Variants in IFIT1 observed in about 807,000 individuals in gnomAD.
The protein encoded by IFIT1 is interferon induced protein with tetratricopeptide repeats 1, also known as antiviral innate immune response effector IFIT1.
Under a neutral mutation model 2.5 loss-of-function variants are expected in IFIT1, and 1 was observed. That is an observed-to-expected ratio of 0.40 (90% CI 0.14 to 1.92). The LOEUF (loss-of-function observed/expected upper bound fraction) is 1.92, where lower values mean the gene tolerates loss of function less well. IFIT1 is among the 40% of genes most tolerant of loss of function. The probability of loss-of-function intolerance (pLI) is 0.31; values close to 1 mark genes in which losing one functional copy is unlikely to be tolerated. For missense variants in IFIT1, 508 were observed against 557.8 expected (o/e 0.91, Z 0.90); for synonymous variants, 191 against 201.7 (o/e 0.95, Z 0.45).
rs747687704 is a variant in IFIT1, at chr10:89,402,663, A to G, written c.388A>G (p.Asn130Asp). 1.9e-6 allele frequency: 3 copies of G among 1,614,226 alleles called. No individual in the cohort carries two copies. In the Admixed American group the frequency reaches 5.0e-5, roughly 27 times the overall value. The change falls in exon 2 of 2, where the codon AAT (asparagine) becomes GAT (aspartate). Residue 130 changes from asparagine (N) to aspartate (D), a missense_variant. Transcript: ENST00000371804. ...KVENICKKLS[N>D]PFRYRMECPE... ...GGAGAACATTTGCAAGAAGCTTTCAAATCCCTTCCGCTATAGAATGGAGTG... is the reference window on the plus strand; with the variant it reads ...GGAGAACATTTGCAAGAAGCTTTCAGATCCCTTCCGCTATAGAATGGAGTG...
rs910289932 is a variant in IFIT1, at chr10:89,399,558, A to C, written c.6-2723A>C. ...TGAGTTAATTTTTGTATATGGCATA[A>C]AGTAAGGGTCCAACTTTACCCTTTT... On this transcript the variant is annotated intron_variant, in intron 1 of 1. Transcript: ENST00000371804. Among the ~76,000 whole-genome samples the C allele has an allele frequency of 3.3e-5, 5 of 152,150 alleles. No individual in the cohort carries two copies. The South Asian group carries it at 1.0e-3, about 32-fold the overall frequency.
chr10:89,404,012 TGAA>T lies in IFIT1; in HGVS notation c.*301_*303del. ...AATGTTTAATTCATTCATTTTATTG[TGAA>T]ATAAAAATAAAATCCTTAGCTCCTC... On this transcript the variant is annotated 3_prime_UTR_variant, in exon 2 of 2. Coordinates refer to ENST00000371804, the MANE Select transcript of IFIT1 (RefSeq NM_001548.5). The T allele has an allele frequency of 4.2e-6, 1 of 239,636 alleles. No individual in the cohort carries two copies. Among genetic ancestry groups the T allele is most frequent in the South Asian group, 1.4e-4 (1 of 7,362 alleles). The allele number at this position is 239,636 out of a possible 1,614,324, so 14.8% of individuals were successfully genotyped here. A position where few individuals can be genotyped will look rare whatever the true frequency, so the allele number is the denominator to read the frequency against.
At chr10:89,399,844 G>C (rs957695357) in intron 1 of IFIT1, among the ~76,000 whole-genome samples, 1 of 152,126 alleles carries the variant, frequency 6.6e-6, no homozygotes, top group African/African-American at 2.4e-5. Flanking sequence ...CAGAGCTGGT[G>C]TCCTTAGACA....
intron 1 of IFIT1, among the ~76,000 whole-genome samples, chr10:89,400,321 T>A (rs941348642): frequency 1.3e-5 from 2 of 152,224 alleles, no homozygotes; most frequent in Admixed American, 6.5e-5. Flanking sequence ...AAAATGTCAT[T>A]GGGATTTTTA....
Position 89,402,713 on chromosome 10 carries a change from A to G in IFIT1, c.438A>G (p.Gly146=), listed in dbSNP as rs540304169. The G allele has an allele frequency of 6.8e-6, 11 of 1,614,222 alleles. No individual in the cohort carries two copies. The Admixed American group carries it at 1.8e-4, about 27-fold the overall frequency. Residue 146 remains glycine, a synonymous_variant, in exon 2 of 2, where the codon GGA becomes GGG. Coordinates refer to ENST00000371804, the MANE Select transcript of IFIT1 (RefSeq NM_001548.5). ...GTCCAGAAATAGACTGTGAGGAAGG[A>G]TGGGCCTTGCTGAAGTGTGGAGGAA... is the stretch of plus-strand genomic sequence containing the variant. ...MECPEIDCEE[G]WALLKCGGKN...
At chr10:89,402,173 T>G (rs1485494559) in intron 1 of IFIT1, 108 bp from the exon 2 acceptor site, 2 of 695,268 alleles carry the variant, frequency 2.9e-6, no homozygotes, top group Admixed American at 2.8e-5. Flanking sequence ...GAAACCTAAG[T>G]AAGTTGATCC....
chr10:89,402,935 G>T lies in IFIT1; in HGVS notation c.660G>T (p.Lys220Asn). ...VRLNPDNGYI[K>N]VLLALKLQDE... ...TAAATCCAGACAATGGATATATTAA[G>T]GTTCTCCTTGCCCTGAAGCTTCAGG... The change falls in exon 2 of 2, where the codon AAG (lysine) becomes AAT (asparagine). Residue 220 changes from lysine (K) to asparagine (N), a missense_variant. Transcript: ENST00000371804. The T allele has an allele frequency of 6.2e-7, 1 of 1,614,148 alleles. No individual in the cohort carries two copies. Among genetic ancestry groups the T allele is most frequent in the South Asian group, 1.1e-5 (1 of 91,084 alleles).
In IFIT1 at chr10:89,402,426, AGTGTGGGAATACACAACCTACTAGCCTAT is replaced by A; in HGVS notation, c.155_183del (p.Val52GlufsTer8). The A allele has an allele frequency of 6.2e-7, 1 of 1,614,206 alleles. No individual in the cohort carries two copies. The highest frequency in any genetic ancestry group is 1.1e-5 in the South Asian group (1 of 91,086). ...GATTGAATTCCTAGACACCAAATAC[AGTGTGGGAATACACAACCTACTAGCCTAT>A]GTGAAACACCTGAAAGGCCAGAATG... On this transcript the variant is annotated frameshift_variant, in exon 2 of 2. Transcript: ENST00000371804. LOFTEE classifies it low-confidence loss of function (END_TRUNC).
chr10:89,397,034 C>T (rs1013914198), intron 1 of IFIT1, among the ~76,000 whole-genome samples: 4 of 152,040 alleles, frequency 2.6e-5, no homozygotes, highest in African/African-American at 4.8e-5. Flanking sequence ...AAAATAGGGT[C>T]GTGTTTTGGA....
chr10:89,402,299 T>C lies in IFIT1; in HGVS notation c.24T>C (p.His8=). 6.2e-7 allele frequency: 1 copy of C among 1,609,784 alleles called. No individual in the cohort carries two copies. Among genetic ancestry groups the C allele is most frequent in the East Asian group, 2.2e-5 (1 of 44,858 alleles). MSTNGDD[H]QVKDSLEQLR... is the part of the protein sequence containing the mutation. The stretch of plus-strand genomic sequence containing the variant: ...TTTACAGTACAAATGGTGATGATCA[T>C]CAGGTCAAGGATAGTCTGGAGCAAT... The change falls in exon 2 of 2, where the codon CAT becomes CAC. Residue 8 remains histidine (H), a synonymous_variant. Transcript: ENST00000371804.
chr10:89,393,172 T>C, intron 1 of IFIT1: 1 of 1,290,536 alleles, frequency 7.7e-7, no homozygotes, highest in Non-Finnish European at 1.0e-6. Context: ...GCAGCCTCTC[T>C]GATGTCTTGT....
chr10:89,394,546 T>C (rs1844305113), intron 1 of IFIT1, among the ~76,000 whole-genome samples: 1 of 147,848 alleles, frequency 6.8e-6, no homozygotes, highest in South Asian at 2.1e-4. Context: ...TTTTCCTGCT[T>C]TTATGTTTAT....
chr10:89,401,784 A>G (rs1256457366), intron 1 of IFIT1, among the ~76,000 whole-genome samples: 1 of 58,632 alleles, frequency 1.7e-5, no homozygotes, highest in African/African-American at 1.3e-4. Flanking sequence ...CAAGTAAAAA[A>G]AAAATGAAAA....
intron 1 of IFIT1, among the ~76,000 whole-genome samples, chr10:89,398,478 C>A (rs1311614068): frequency 6.6e-6 from 1 of 152,214 alleles, no homozygotes; most frequent in African/African-American, 2.4e-5. Context: ...GCTGCTCTTA[C>A]ATTGCATACC....
Position 89,403,390 on chromosome 10 carries a change from T to C in IFIT1, c.1115T>C (p.Val372Ala), listed in dbSNP as rs751622480. The stretch of plus-strand genomic sequence containing the variant: ...CAAAAATTGTTATGCATGAAACCAG[T>C]GGTAGAAGAAACAATGCAAGACATA... ...NFQKLLCMKPVVEETMQDIHF... is the reference protein window; with the variant it reads ...NFQKLLCMKPAVEETMQDIHF... Residue 372 changes from valine (V) to alanine (A), a missense_variant, in exon 2 of 2, where the codon GTG (valine) becomes GCG (alanine). Physicochemically the swap from Val to Ala is moderately conservative, Grantham distance 64 (BLOSUM62 0). Transcript: ENST00000371804. 2 of 1,613,560 alleles carry C rather than the reference T, an allele frequency of 1.2e-6. No individual in the cohort carries two copies. The highest frequency in any genetic ancestry group is 3.3e-5 in the Admixed American group (2 of 59,940).
intron 1 of IFIT1, among the ~76,000 whole-genome samples, chr10:89,397,999 T>A (rs1332261052): frequency 1.3e-5 from 2 of 152,230 alleles, no homozygotes; most frequent in Non-Finnish European, 2.9e-5. Flanking sequence ...TGTGCAACCA[T>A]GACCACCATC....
rs1444505674 is a variant in IFIT1 at position 89,406,032 on chromosome 10, T to C, written c.*2320T>C. On this transcript the variant is annotated 3_prime_UTR_variant, in exon 2 of 2. Transcript: ENST00000371804. The stretch of plus-strand genomic sequence containing the variant: ...ATTTCATCCATTGCCCTTAAGAAGG[T>C]AGGACAGAGATTATGGCACATCTCA... 6.6e-6 allele frequency: 1 copy of C among 152,218 alleles called. No homozygotes were observed. The allele number at this position is 152,218 out of a possible 1,614,324, so 9.4% of individuals were successfully genotyped here.
Position 89,403,934 on chromosome 10 carries a change from A to G in IFIT1, c.*222A>G. On this transcript the variant is annotated 3_prime_UTR_variant, in exon 2 of 2. Coordinates refer to ENST00000371804, the MANE Select transcript of IFIT1 (RefSeq NM_001548.5). Reference sequence around the variant, plus strand: ...ATCATTTGTATGAGTGCTATGTAGTAGAGAAAAAATGTTAGTTAACTTTGT... The same window carrying G: ...ATCATTTGTATGAGTGCTATGTAGTGGAGAAAAAATGTTAGTTAACTTTGT... The G allele has an allele frequency of 2.4e-6, 1 of 409,150 alleles. No individual in the cohort carries two copies. The highest frequency in any genetic ancestry group is 4.3e-6 in the Non-Finnish European group (1 of 232,748). 25.3% of individuals were successfully genotyped at this position (409,150 alleles called of 1,614,324 possible).
chr10:89,392,805 T>A, intron 1 of IFIT1, 88 bp downstream of exon 1: 1 of 1,373,696 alleles, frequency 7.3e-7, no homozygotes, highest in Non-Finnish European at 1.0e-6. Flanking sequence ...TAGATCTCAG[T>A]GAGGTCAGGT....
Sources: gnomAD v4.1 joint callset for allele counts (sites outside exome capture counted in the v4.1 genomes callset) on GRCh38, gnomAD v4.1.1 for gene constraint, MANE v1.5 for transcripts, NCBI Gene and HGNC (gene_info 2026-07-23, HGNC 2026-07-21) for gene names.